VPS9D1: variants seen among roughly 807,000 people sequenced by gnomAD.
VPS9D1 encodes VPS9 domain containing 1.
A neutral mutation model predicts 75.8 loss-of-function variants in VPS9D1; 78 were observed. That is an observed-to-expected ratio of 1.03 (90% CI 0.86 to 1.24). VPS9D1 has a LOEUF of 1.24. Among genes scored for constraint, VPS9D1 ranks in the 50% most tolerant of loss-of-function variants. VPS9D1 has a pLI of 0.00. For synonymous variants in VPS9D1, 481 were observed against 385.6 expected, an observed-to-expected ratio of 1.25 and a Z score of -2.90; for missense variants, 1,057 against 847.7, an observed-to-expected ratio of 1.25 and a Z score of -3.07.
chr16:89,709,258 C>T lies in VPS9D1; in HGVS notation c.1566G>A (p.Glu522=), dbSNP rs752533921. 10 of 1,611,892 alleles carry T rather than the reference C, an allele frequency of 6.2e-6. No individual in the cohort carries two copies. Among genetic ancestry groups the T allele is most frequent in the Non-Finnish European group, 8.5e-6 (10 of 1,179,936 alleles). Residue 522 remains glutamate, a synonymous_variant, in exon 12 of 15, where the codon GAG becomes GAA. Coordinates refer to ENST00000389386, the MANE Select transcript of VPS9D1 (RefSeq NM_004913.3). ...ACTCCAGCTTCTTCTGGGGGCAGCT[C>T]TCCAGGACCAGCAGTCCGAGCTCCT... The part of the protein sequence containing the change: ...AAQELGLLVL[E]SCPQKKLECI...
rs897104246 is a variant in VPS9D1, at chr16:89,711,836, C to G, written c.747+46G>C. On this transcript the variant is annotated intron_variant, in intron 8 of 14. Coordinates refer to ENST00000389386, the MANE Select transcript of VPS9D1 (RefSeq NM_004913.3). ...ACCCAGGCGGCTCTGACCCCGCCCC[C>G]CTCGCTGGGCTCCTCCTACAAAGCC... 6 of 1,540,676 alleles carry G rather than the reference C, an allele frequency of 3.9e-6. No individual in the cohort carries two copies. The African/African-American group carries it at 6.9e-5, about 18-fold the overall frequency.
intron 2 of VPS9D1, among the ~76,000 whole-genome samples, chr16:89,718,609 T>C (rs1316660365): frequency 1.3e-5 from 2 of 152,110 alleles, no homozygotes; most frequent in Non-Finnish European, 2.9e-5. Flanking sequence ...GCTAGAAGGA[T>C]ACAAGAGACC....
At chr16:89,712,808 G>A (rs2060967943) in intron 4 of VPS9D1, 92 bp from the exon 5 acceptor site, 2 of 1,153,182 alleles carry the variant, frequency 1.7e-6, no homozygotes, top group African/African-American at 1.6e-5. Flanking sequence ...GGATTGCTCT[G>A]AGGCCAGGAG....
At chr16:89,715,839 G>A (rs978221924) in intron 4 of VPS9D1, among the ~76,000 whole-genome samples, 1 of 151,882 alleles carries the variant, frequency 6.6e-6, no homozygotes, top group Non-Finnish European at 1.5e-5. Context: ...ACCACGGCCA[G>A]CTAATTTTTG....
In VPS9D1 at chr16:89,708,969, CAG is replaced by C; in HGVS notation, c.1598-15_1598-14del. On this transcript the variant is annotated splice_polypyrimidine_tract_variant and intron_variant, in intron 12 of 14. Coordinates refer to ENST00000389386, the MANE Select transcript of VPS9D1 (RefSeq NM_004913.3). ...CGCAGGGTCCGCACTGCGCCCCAGA[CAG>C]GGTTTCAGGGGCAGTTAACCCCGTC... 1.9e-6 allele frequency: 3 copies of C among 1,583,126 alleles called. No homozygotes were observed. The highest frequency in any genetic ancestry group is 1.7e-6 in the Non-Finnish European group (2 of 1,166,238).
intron 8 of VPS9D1, 63 bp downstream of exon 8, chr16:89,711,819 G>C (rs1044590804): frequency 1.3e-6 from 2 of 1,500,922 alleles, no homozygotes; most frequent in Non-Finnish European, 1.8e-6. Flanking sequence ...CCACCCAGGC[G>C]GCTCTGACCC....
At chr16:89,716,394 A>G in intron 4 of VPS9D1, 68 bp downstream of exon 4, 1 of 1,592,662 alleles carries the variant, frequency 6.3e-7, no homozygotes, top group South Asian at 1.1e-5. Flanking sequence ...CGCTGTCATC[A>G]GCTCATCTTT....
At position 89,720,537 on chromosome 16, in the gene VPS9D1, C is replaced by G. The variant is rs565463571; in HGVS notation, c.99+226G>C. Reference sequence around the variant, plus strand: ...CCCAGGCTGTGATGCACCGGCTCAGCGAGCGGAGTGGAAAGCCAAGGTCCG... The same window carrying G: ...CCCAGGCTGTGATGCACCGGCTCAGGGAGCGGAGTGGAAAGCCAAGGTCCG... On this transcript the variant is annotated intron_variant, in intron 1 of 14. Transcript: ENST00000389386. 4 of 1,166,490 alleles carry G rather than the reference C, an allele frequency of 3.4e-6. No individual in the cohort carries two copies. The African/African-American group carries it at 4.8e-5, about 14-fold the overall frequency. The allele number at this position is 1,166,490 out of a possible 1,614,324, so 72.3% of individuals were successfully genotyped here. A position where few individuals can be genotyped will look rare whatever the true frequency, so the allele number is the denominator to read the frequency against.
chr16:89,709,517 C>A, intron 11 of VPS9D1, 82 bp from the exon 12 acceptor site: 2 of 1,424,836 alleles, frequency 1.4e-6, no homozygotes. Context: ...GGAGCTCAGT[C>A]CTGGAGAAAA....
chr16:89,716,369 A>C, intron 4 of VPS9D1, 93 bp downstream of exon 4: 1 of 1,576,276 alleles, frequency 6.3e-7, no homozygotes, highest in East Asian at 2.3e-5. Flanking sequence ...CTGTCTCAAA[A>C]AACAAAAAAA....
At chr16:89,713,932 G>T (rs545053445) in intron 4 of VPS9D1, among the ~76,000 whole-genome samples, 2 of 151,792 alleles carry the variant, frequency 1.3e-5, no homozygotes, top group African/African-American at 4.8e-5. Flanking sequence ...AATCACTGAG[G>T]TTTTTTTGCA....
Position 89,712,117 on chromosome 16 carries a change from G to A in VPS9D1, c.607-18C>T. On this transcript the variant is annotated intron_variant, in intron 6 of 14. Transcript: ENST00000389386. ...CTCTGGAGCTGGGTGCAGAGTCAAG[G>A]GGCCGAGCGTGGGATCTGAGCGGGC... 1.9e-6 allele frequency: 3 copies of A among 1,548,250 alleles called. No homozygotes were observed. The highest frequency in any genetic ancestry group is 4.6e-4 in the Middle Eastern group (2 of 4,374).
chr16:89,720,622 C>A, intron 1 of VPS9D1, 141 bp downstream of exon 1: 1 of 1,228,462 alleles, frequency 8.1e-7, no homozygotes, highest in Non-Finnish European at 1.0e-6. Context: ...CCGTCCTCGC[C>A]CGGGAACCGC....
At chr16:89,711,635 G>T (rs1336902376) in intron 8 of VPS9D1, 5 of 568,590 alleles carry the variant, frequency 8.8e-6, no homozygotes, top group Non-Finnish European at 1.4e-5. Flanking sequence ...CTCCCTCCTC[G>T]CAGGGACCCT....
chr16:89,720,671 A>C, intron 1 of VPS9D1, 92 bp downstream of exon 1: 1 of 1,261,130 alleles, frequency 7.9e-7, no homozygotes, highest in Non-Finnish European at 1.0e-6. Flanking sequence ...CCAAGTCTCC[A>C]GCCCGAGCCG....
chr16:89,711,148 C>T (rs2060908338), intron 9 of VPS9D1, 138 bp from the exon 10 acceptor site: 2 of 1,203,410 alleles, frequency 1.7e-6, no homozygotes, highest in Admixed American at 2.9e-5. Flanking sequence ...TGCCCCCCGC[C>T]CCCGCTGGGG....
rs1261285121 is a variant in VPS9D1 at position 89,707,813 on chromosome 16, C to T, written c.*48G>A. ...TGGCTCCAGGTGTAGGAGAGACAGC[C>T]CTGGGAGGCGAGGCCAGGCCCTGCA... On this transcript the variant is annotated 3_prime_UTR_variant, in exon 15 of 15. Transcript: ENST00000389386. 1.9e-6 allele frequency: 3 copies of T among 1,568,430 alleles called. No individual in the cohort carries two copies. The highest frequency in any genetic ancestry group is 2.6e-6 in the Non-Finnish European group (3 of 1,140,834).
intron 4 of VPS9D1, 101 bp downstream of exon 4, chr16:89,716,361 G>C: frequency 1.9e-6 from 3 of 1,553,754 alleles, no homozygotes; most frequent in Non-Finnish European, 2.6e-6. Flanking sequence ...GTGAGACTCT[G>C]TCTCAAAAAA....
chr16:89,711,862 T>G lies in VPS9D1; in HGVS notation c.747+20A>C. ...CTCGCTGGGCTCCTCCTACAAAGCC[T>G]GGGCCCGTGGGGGACGCACATGGTC... On this transcript the variant is annotated intron_variant, in intron 8 of 14. Transcript: ENST00000389386. 6.5e-7 allele frequency: 1 copy of G among 1,549,188 alleles called. No individual in the cohort carries two copies. Among genetic ancestry groups the G allele is most frequent in the South Asian group, 1.2e-5 (1 of 84,046 alleles).
Sources: gnomAD v4.1 joint callset for allele counts (sites outside exome capture counted in the v4.1 genomes callset) on GRCh38, gnomAD v4.1.1 for gene constraint, MANE v1.5 for transcripts, NCBI Gene and HGNC (gene_info 2026-07-23, HGNC 2026-07-21) for gene names.